CDC14A: variants seen among roughly 807,000 people sequenced by gnomAD.
The protein encoded by CDC14A is cell division cycle 14A.
CDC14A carries 53 observed loss-of-function variants against 74.4 expected under a neutral mutation model. That is an observed-to-expected ratio of 0.71 (90% confidence interval 0.57 to 0.89). The LOEUF is 0.89. CDC14A is among the 40% of genes least tolerant of loss of function. The pLI is 0.00. For synonymous variants in CDC14A, 247 were observed against 258.4 expected (o/e 0.96, Z 0.43); for missense variants, 646 against 713.7 (o/e 0.91, Z 1.08).
intron 4 of CDC14A, chr1:100,391,190 T>C (rs551315733): frequency 7.5e-6 from 2 of 265,710 alleles, no homozygotes; most frequent in African/African-American, 4.5e-5. Flanking sequence ...TTTAAAAGAC[T>C]TGACGTGTTC....
chr1:100,373,898 C>T (rs142047252), intron 2 of CDC14A, among the ~76,000 whole-genome samples: 19,801 of 151,970 alleles, frequency 0.13, 1,500 homozygotes, highest in Non-Finnish European at 0.16. Flanking sequence ...TGGTGTGCTG[C>T]ACCCATTAAC....
intron 11 of CDC14A, among the ~76,000 whole-genome samples, chr1:100,488,280 G>A (rs1670251687): frequency 6.6e-6 from 1 of 152,112 alleles, no homozygotes; most frequent in Non-Finnish European, 1.5e-5. Context: ...CCTTACAGTA[G>A]CCATATGAAA....
intron 4 of CDC14A, among the ~76,000 whole-genome samples, chr1:100,409,762 G>T (rs1660430811): frequency 6.6e-6 from 1 of 152,176 alleles, no homozygotes; most frequent in Non-Finnish European, 1.5e-5. Context: ...TCAACTGCTT[G>T]TTAAAACATA....
At chr1:100,513,804 C>A (rs1649974555) in intron 15 of CDC14A, among the ~76,000 whole-genome samples, 1 of 152,124 alleles carries the variant, frequency 6.6e-6, no homozygotes, top group African/African-American at 2.4e-5. Flanking sequence ...ATTTCCAGAA[C>A]AGAACAAATT....
chr1:100,483,952 T>C (rs773659611), intron 10 of CDC14A, among the ~76,000 whole-genome samples: 1 of 152,176 alleles, frequency 6.6e-6, no homozygotes, highest in Non-Finnish European at 1.5e-5. Flanking sequence ...AAATTGCTAT[T>C]TGAGAAATTG....
intron 7 of CDC14A, among the ~76,000 whole-genome samples, chr1:100,446,823 G>A (rs1278921327): frequency 6.6e-6 from 1 of 152,106 alleles, no homozygotes; most frequent in African/African-American, 2.4e-5. Context: ...TCAGCCTCCA[G>A]AGTAGCTGGG....
intron 4 of CDC14A, among the ~76,000 whole-genome samples, chr1:100,420,053 C>CTATATATAT (rs1662105811): frequency 5.4e-5 from 1 of 18,394 alleles, no homozygotes; most frequent in East Asian, 1.8e-3. Flanking sequence ...CACACACACA[C>CTATATATAT]ACACACACAC....
At chr1:100,369,079 A>ATT (rs369735078) in intron 2 of CDC14A, among the ~76,000 whole-genome samples, 65 of 137,676 alleles carry the variant, frequency 4.7e-4, no homozygotes, top group African/African-American at 9.9e-4. Flanking sequence ...GTTTTTTGAC[A>ATT]TTTTTTTTTT....
chr1:100,453,464 C>T (rs1273514454), intron 7 of CDC14A, among the ~76,000 whole-genome samples: 1 of 152,112 alleles, frequency 6.6e-6, no homozygotes, highest in East Asian at 1.9e-4. Flanking sequence ...TTAATAATTA[C>T]TTGAGAGATA....
intron 15 of CDC14A, among the ~76,000 whole-genome samples, chr1:100,515,786 T>C (rs529678357): frequency 6.6e-6 from 1 of 152,392 alleles, no homozygotes; most frequent in East Asian, 1.9e-4. Flanking sequence ...CCCTTTTTAC[T>C]GATCTTTCAT....
At chr1:100,390,605 A>G (rs1571039053) in intron 3 of CDC14A, 127 bp from the exon 4 acceptor site, 2 of 616,824 alleles carry the variant, frequency 3.2e-6, no homozygotes, top group East Asian at 2.8e-5. Flanking sequence ...CATAGAAATT[A>G]AAGTTGAAAG....
At chr1:100,427,828 A>C (rs1663135422) in intron 5 of CDC14A, among the ~76,000 whole-genome samples, 1 of 152,202 alleles carries the variant, frequency 6.6e-6, no homozygotes, top group South Asian at 2.1e-4. Flanking sequence ...TAAAACAGTT[A>C]CAGTGCTTTG....
chr1:100,459,289 A>G (rs1667090457), intron 8 of CDC14A, among the ~76,000 whole-genome samples: 1 of 152,176 alleles, frequency 6.6e-6, no homozygotes, highest in Non-Finnish European at 1.5e-5. Context: ...AACTTCAGTG[A>G]GTTCCACAGC....
chr1:100,408,266 C>A (rs1447696110), intron 4 of CDC14A, among the ~76,000 whole-genome samples: 1 of 152,182 alleles, frequency 6.6e-6, no homozygotes, highest in Admixed American at 6.5e-5. Context: ...TCAATGACTG[C>A]ATAGTATTCC....
chr1:100,498,967 A>G lies in CDC14A; in HGVS notation c.1460A>G (p.Asn487Ser), dbSNP rs1648319956. Residue 487 changes from asparagine to serine, a missense_variant, in exon 15 of 16, where the codon AAC becomes AGC. Physicochemically the swap from Asn to Ser is conservative, Grantham distance 46. Transcript: ENST00000336454. ...TCCCGGCTAGCCAGTTCTCTAGGGAACTTGAATGCTGCAACAGATGATCCA... is the reference window on the plus strand; with the variant it reads ...TCCCGGCTAGCCAGTTCTCTAGGGAGCTTGAATGCTGCAACAGATGATCCA... ...INSRLASSLG[N>S]LNAATDDPEN... The G allele has an allele frequency of 6.2e-7, 1 of 1,613,908 alleles. No individual in the cohort carries two copies. Among genetic ancestry groups the G allele is most frequent in the African/African-American group, 1.3e-5 (1 of 74,888 alleles).
At chr1:100,366,088 G>A (rs1384209195) in intron 2 of CDC14A, among the ~76,000 whole-genome samples, 2 of 152,158 alleles carry the variant, frequency 1.3e-5, no homozygotes, top group Non-Finnish European at 2.9e-5. Flanking sequence ...AGGGACTGGT[G>A]ACCAATAGGC....
chr1:100,469,766 G>A (rs558470866), intron 10 of CDC14A, among the ~76,000 whole-genome samples: 42 of 152,242 alleles, frequency 2.8e-4, no homozygotes, highest in African/African-American at 9.9e-4. Flanking sequence ...TACCAGTCAA[G>A]GTCACCTAGC....
intron 7 of CDC14A, among the ~76,000 whole-genome samples, chr1:100,454,937 T>A (rs1299067245): frequency 6.6e-6 from 1 of 152,092 alleles, no homozygotes; most frequent in Non-Finnish European, 1.5e-5. Flanking sequence ...AAAATCAGCA[T>A]TGACAAGAGA....
chr1:100,383,274 A>T (rs1183264455), intron 3 of CDC14A, among the ~76,000 whole-genome samples: 1 of 152,230 alleles, frequency 6.6e-6, no homozygotes, highest in East Asian at 1.9e-4. Context: ...CGATGAAATC[A>T]TCTTCATGAG....
Sources: gnomAD v4.1 joint callset for allele counts (sites outside exome capture counted in the v4.1 genomes callset) on GRCh38, gnomAD v4.1.1 for gene constraint, MANE v1.5 for transcripts, NCBI Gene and HGNC (gene_info 2026-07-23, HGNC 2026-07-21) for gene names.